Variants in IPO5 observed in about 807,000 individuals in gnomAD.
IPO5 encodes importin-5.
A neutral mutation model predicts 143.3 loss-of-function variants in IPO5; 18 were observed. The observed-to-expected ratio is 0.13, with a 90% CI of 0.09 to 0.19. IPO5 has a LOEUF of 0.19. IPO5 is among the 10% of genes least tolerant of loss of function. The pLI, the probability that IPO5 is intolerant of heterozygous loss-of-function variation, is 1.00. For missense variants in IPO5, 1,013 were observed against 1,336.9 expected (o/e 0.76, Z 3.78); for synonymous variants, 477 against 465.7 (o/e 1.02, Z -0.31).
intron 5 of IPO5, among the ~76,000 whole-genome samples, chr13:97,984,620 G>T (rs1887172573): frequency 6.6e-6 from 1 of 151,878 alleles, no homozygotes; most frequent in African/African-American, 2.4e-5. Context: ...AGATTTCTCG[G>T]TGAAAAGTAA....
intron 11 of IPO5, among the ~76,000 whole-genome samples, chr13:97,995,141 A>G (rs1386346857): frequency 1.3e-5 from 2 of 148,946 alleles, no homozygotes; most frequent in Non-Finnish European, 3.0e-5. Flanking sequence ...AAAAAAAAAA[A>G]GTTTCTGGGA....
At chr13:97,955,934 T>G (rs1884422657) in intron 2 of IPO5, among the ~76,000 whole-genome samples, 1 of 152,040 alleles carries the variant, frequency 6.6e-6, no homozygotes, top group Admixed American at 6.6e-5. Flanking sequence ...GACCAAGACC[T>G]TCCTGGCTTA....
At chr13:97,963,213 C>T (rs1885034132) in intron 2 of IPO5, 1 of 152,204 alleles carries the variant, frequency 6.6e-6, no homozygotes. Context: ...GGGGCTCCAA[C>T]AGCCTAGCCA....
chr13:97,990,459 A>G lies in IPO5; in HGVS notation c.591A>G (p.Thr197=), dbSNP rs752310939. Residue 197 remains threonine (T), a synonymous_variant, in exon 9 of 29, where the codon ACA becomes ACG. Coordinates refer to ENST00000651721, the MANE Select transcript of IPO5 (RefSeq NM_002271.6). ...TCAGGACGTTATCTGCTAGAGCTAC[A>G]GCTGCATTTATACTTGCAAATGAGC... ...PSIRTLSARA[T]AAFILANEHN... is the part of the protein sequence containing the mutation. 1 of 1,603,832 alleles carries G rather than the reference A, an allele frequency of 6.2e-7. No homozygotes were observed. The highest frequency in any genetic ancestry group is 1.1e-5 in the South Asian group (1 of 87,964).
chr13:97,955,530 C>T (rs537257749), intron 2 of IPO5, among the ~76,000 whole-genome samples: 1 of 152,248 alleles, frequency 6.6e-6, no homozygotes, highest in Non-Finnish European at 1.5e-5. Flanking sequence ...GAGTTGAAAT[C>T]CCAGAGTTCC....
At chr13:98,005,352 A>C (rs569095642) in intron 16 of IPO5, among the ~76,000 whole-genome samples, 69 of 149,152 alleles carry the variant, frequency 4.6e-4, no homozygotes, top group African/African-American at 1.7e-3. Flanking sequence ...GTGTGCCACC[A>C]CACCTGGCTA....
At chr13:98,017,474 T>C (rs1234898906) in intron 25 of IPO5, among the ~76,000 whole-genome samples, 2 of 152,062 alleles carry the variant, frequency 1.3e-5, no homozygotes, top group Non-Finnish European at 2.9e-5. Context: ...GAATTTTTTG[T>C]ATTTTAGTAG....
chr13:98,016,837 A>C lies in IPO5; in HGVS notation c.2602A>C (p.Ile868Leu). ...ATGGTTTGAACAGCTGCTTCCATTA[A>C]TTGTCAACCTCATTGTAAGTGTTAC... ...LPWFEQLLPL[I>L]VNLICPHRPW... Residue 868 changes from isoleucine (I) to leucine (L), a missense_variant, in exon 25 of 29, where the codon ATT becomes CTT. Physicochemically the swap from Ile to Leu is conservative, Grantham distance 5. This residue lies in a region of IPO5 where 685 missense variants were observed against 994.9 expected (regional missense o/e 0.69). Transcript: ENST00000651721. 1.3e-6 allele frequency: 2 copies of C among 1,564,408 alleles called. No individual in the cohort carries two copies. Among genetic ancestry groups the C allele is most frequent in the Non-Finnish European group, 1.7e-6 (2 of 1,161,578 alleles).
In IPO5 at chr13:98,022,641, A is replaced by C. The variant is rs1418835777; in HGVS notation, c.*819A>C. The C allele has an allele frequency of 1.3e-5, 2 of 152,168 alleles. No individual in the cohort carries two copies. The highest frequency in any genetic ancestry group is 2.4e-5 in the African/African-American group (1 of 41,440). The allele number at this position is 152,168 out of a possible 1,614,324, so 9.4% of individuals were successfully genotyped here. A position where few individuals can be genotyped will look rare whatever the true frequency, so the allele number is the denominator to read the frequency against. Reference sequence around the variant, plus strand: ...TTGTGCAATTCAGACTTAAGCATCGAGTTTTTACCATCTTCCACTTTAAGC... The same window carrying C: ...TTGTGCAATTCAGACTTAAGCATCGCGTTTTTACCATCTTCCACTTTAAGC... On this transcript the variant is annotated 3_prime_UTR_variant, in exon 29 of 29. Coordinates refer to ENST00000651721, the MANE Select transcript of IPO5 (RefSeq NM_002271.6).
intron 3 of IPO5, among the ~76,000 whole-genome samples, chr13:97,974,910 G>GA (rs1416454931): frequency 2.6e-5 from 4 of 152,116 alleles, no homozygotes; most frequent in Non-Finnish European, 4.4e-5. Flanking sequence ...GAATCCTTTA[G>GA]AAAAAAATCT....
intron 2 of IPO5, among the ~76,000 whole-genome samples, chr13:97,964,387 G>GGT (rs1885129496): frequency 6.6e-6 from 1 of 151,168 alleles, no homozygotes; most frequent in Non-Finnish European, 1.5e-5. Flanking sequence ...GTAAGGAATG[G>GGT]GTCCAGTTTG....
chr13:97,967,336 G>T (rs2139531034), intron 2 of IPO5, among the ~76,000 whole-genome samples: 1 of 152,104 alleles, frequency 6.6e-6, no homozygotes, highest in African/African-American at 2.4e-5. Flanking sequence ...TCTTCTCAAA[G>T]AAACAATTTT....
intron 2 of IPO5, among the ~76,000 whole-genome samples, chr13:97,955,893 A>T (rs2139456774): frequency 6.6e-6 from 1 of 152,284 alleles, no homozygotes; most frequent in South Asian, 2.1e-4. Context: ...GCACTTTGGG[A>T]GGCCAAGGCA....
chr13:97,994,477 T>C (rs1026518368), intron 11 of IPO5, among the ~76,000 whole-genome samples: 1 of 152,202 alleles, frequency 6.6e-6, no homozygotes, highest in African/African-American at 2.4e-5. Flanking sequence ...AATAATCATT[T>C]AGAAAATTTT....
chr13:98,020,898 C>G, intron 27 of IPO5, 94 bp from the exon 28 acceptor site: 2 of 963,772 alleles, frequency 2.1e-6, no homozygotes, highest in Non-Finnish European at 3.2e-6. Context: ...GGTTTTCTTC[C>G]TACTGAATTT....
chr13:97,995,340 GT>G (rs1198893531), intron 11 of IPO5, among the ~76,000 whole-genome samples: 2 of 151,688 alleles, frequency 1.3e-5, no homozygotes, highest in African/African-American at 4.8e-5. Context: ...TTTCCCCTGA[GT>G]CCCCAAAGTC....
rs1887264500 is a variant in IPO5, at chr13:97,985,544, A to G, written c.295A>G (p.Met99Val). 14 of 1,614,088 alleles carry G rather than the reference A, an allele frequency of 8.7e-6. No homozygotes were observed. Among genetic ancestry groups the G allele is most frequent in the Non-Finnish European group, 1.2e-5 (14 of 1,179,970 alleles). ...IKSELLMIIQ[M>V]ETQSSMRKKV... ...GAGTGAGCTACTCATGATTATTCAG[A>G]TGGAAACACAATCTAGCATGAGGAA... Residue 99 changes from methionine (M) to valine (V), a missense_variant, in exon 6 of 29, where the codon ATG becomes GTG. Physicochemically the swap from Met to Val is conservative, Grantham distance 21 (BLOSUM62 1). Around this residue, in one of 2 missense-constraint regions of IPO5, gnomAD observed 328 missense variants for 342.0 expected, o/e 0.96. Coordinates refer to ENST00000651721, the MANE Select transcript of IPO5 (RefSeq NM_002271.6).
chr13:97,961,946 C>T (rs1357682851), intron 2 of IPO5, among the ~76,000 whole-genome samples: 5 of 151,872 alleles, frequency 3.3e-5, no homozygotes, highest in South Asian at 4.2e-4. Flanking sequence ...CTGGCCAACA[C>T]GGCAAAACCC....
Position 97,982,548 on chromosome 13 carries a change from T to A in IPO5, c.136T>A (p.Leu46Ile). The A allele has an allele frequency of 6.2e-7, 1 of 1,612,660 alleles. No individual in the cohort carries two copies. The highest frequency in any genetic ancestry group is 8.5e-7 in the Non-Finnish European group (1 of 1,178,778). The change falls in exon 5 of 29, where the codon TTA becomes ATA. Residue 46 changes from leucine (L) to isoleucine (I), a missense_variant. Transcript: ENST00000651721. The part of the protein sequence containing the change: ...IPGQSKITFL[L>I]QAIRNTTAAE... ...AGGCCAGTCAAAGATCACATTCCTC[T>A]TACAAGCCATCAGAAATACAACAGC... is the stretch of plus-strand genomic sequence containing the variant.
Sources: allele counts gnomAD v4.1 joint callset (sites outside exome capture counted in the v4.1 genomes callset), GRCh38; gene constraint gnomAD v4.1.1; regional missense constraint gnomAD v4.1.1; transcripts MANE v1.5; gene names NCBI Gene and HGNC (gene_info 2026-07-23, HGNC 2026-07-21).